Variants in ARHGAP29 observed in about 807,000 individuals in gnomAD.
ARHGAP29 encodes the protein Rho GTPase activating protein 29.
In ARHGAP29, 43 loss-of-function variants were observed where a neutral mutation model predicts 122.6. The observed-to-expected ratio is 0.35, with a 90% CI of 0.27 to 0.45. The LOEUF is 0.45. ARHGAP29 is among the 20% of genes least tolerant of loss of function. The probability of loss-of-function intolerance (pLI) is 1.00; values close to 1 mark genes in which losing one functional copy is unlikely to be tolerated. For synonymous variants in ARHGAP29, 506 were observed against 497.1 expected, an observed-to-expected ratio of 1.02 and a Z score of -0.24; for missense variants, 1,303 against 1,477.2, an observed-to-expected ratio of 0.88 and a Z score of 1.93.
the ARHGAP29 span, among the ~76,000 whole-genome samples, chr1:94,299,227 T>C: frequency 6.6e-6 from 1 of 152,182 alleles, no homozygotes; most frequent in Non-Finnish European, 1.5e-5. Context: ...TAAAATGACT[T>C]TCTATTTATG....
rs1651387107 is a variant in ARHGAP29 at position 94,208,842 on chromosome 1, C to T, written c.500G>A (p.Arg167Gln). The T allele has an allele frequency of 4.3e-6, 7 of 1,613,738 alleles. No homozygotes were observed. Among genetic ancestry groups the T allele is most frequent in the Middle Eastern group, 3.3e-4 (2 of 6,062 alleles). ...ACAAACTTAGCTTACCTTAGTTTCT[C>T]GAGAAACAGGCAGTCGCAATAATGA... ...NDSLLRLPVS[R>Q]ETKSFENVSV... Residue 167 changes from arginine to glutamine, a missense_variant, in exon 5 of 23, where the codon CGA becomes CAA. Arg to Gln is a conservative substitution (Grantham distance 43). Around this residue, in one of 3 missense-constraint regions of ARHGAP29, gnomAD observed 592 missense variants for 648.2 expected, o/e 0.91. Transcript: ENST00000260526.
At chr1:94,220,915 T>C (rs1470683433) in intron 2 of ARHGAP29, among the ~76,000 whole-genome samples, 1 of 152,158 alleles carries the variant, frequency 6.6e-6, no homozygotes, top group East Asian at 1.9e-4. Flanking sequence ...ATTACACATA[T>C]TCTAGATTTT....
At chr1:94,262,212 G>A (rs1208622800) in intron 1 of ARHGAP29, among the ~76,000 whole-genome samples, 6 of 152,128 alleles carry the variant, frequency 3.9e-5, no homozygotes, top group Non-Finnish European at 1.5e-5. Context: ...ATATGCAGAA[G>A]ATTGAAACTG....
chr1:94,306,679 T>G, the ARHGAP29 span, among the ~76,000 whole-genome samples: 135 of 152,288 alleles, frequency 8.9e-4, no homozygotes, highest in African/African-American at 3.2e-3. Flanking sequence ...TTTCCCACAC[T>G]CTAACAAATC....
chr1:94,278,619 G>A (rs1177465230), upstream of ARHGAP29, among the ~76,000 whole-genome samples: 1 of 152,210 alleles, frequency 6.6e-6, no homozygotes, highest in Non-Finnish European at 1.5e-5. Flanking sequence ...ATCTAGGGAA[G>A]AAATGTCTTG....
intron 22 of ARHGAP29, chr1:94,176,669 A>G (rs189335340): frequency 3.3e-5 from 5 of 151,954 alleles, no homozygotes; most frequent in South Asian, 2.1e-4. Context: ...GTGCAATGGC[A>G]CGTTCTCGCC....
intron 1 of ARHGAP29, among the ~76,000 whole-genome samples, chr1:94,271,894 T>C (rs1175470425): frequency 2.0e-5 from 3 of 152,184 alleles, no homozygotes; most frequent in Non-Finnish European, 4.4e-5. Flanking sequence ...ACCTGCACAC[T>C]TTGGAACCTT....
intron 3 of ARHGAP29, among the ~76,000 whole-genome samples, chr1:94,210,186 TA>T (rs1470887231): frequency 6.6e-6 from 1 of 152,136 alleles, no homozygotes; most frequent in African/African-American, 2.4e-5. Flanking sequence ...GTATAAAGAG[TA>T]ACTGGTTCCC....
chr1:94,212,560 T>C (rs759581115), intron 3 of ARHGAP29, among the ~76,000 whole-genome samples: 11 of 152,324 alleles, frequency 7.2e-5, no homozygotes, highest in East Asian at 1.9e-4. Context: ...CTATCCAAAA[T>C]TGTATAATTA....
chr1:94,246,337 C>T (rs1319872822), intron 1 of ARHGAP29, among the ~76,000 whole-genome samples: 1 of 152,200 alleles, frequency 6.6e-6, no homozygotes, highest in East Asian at 1.9e-4. Context: ...TCTGAATATT[C>T]ACTTTCATAT....
intron 1 of ARHGAP29, among the ~76,000 whole-genome samples, chr1:94,255,592 T>C (rs1421521328): frequency 6.6e-6 from 1 of 152,238 alleles, no homozygotes. Flanking sequence ...GTGCGGCATT[T>C]CTTCCTAATA....
intron 12 of ARHGAP29, chr1:94,191,470 G>A (rs1314588031): frequency 2.0e-5 from 3 of 152,070 alleles, no homozygotes; most frequent in Non-Finnish European, 2.9e-5. Context: ...TATTTGAAAA[G>A]TACAGATAAC....
chr1:94,284,042 T>G, the ARHGAP29 span, among the ~76,000 whole-genome samples: 172 of 151,396 alleles, frequency 1.1e-3, 1 homozygote, highest in South Asian at 0.012. Flanking sequence ...CTATTTCTTC[T>G]TAGGTTATGT....
intron 15 of ARHGAP29, among the ~76,000 whole-genome samples, chr1:94,188,397 A>G (rs550696719): frequency 6.6e-6 from 1 of 152,294 alleles, no homozygotes; most frequent in East Asian, 1.9e-4. Context: ...CACAGAATAT[A>G]CAGCAGTGAA....
chr1:94,184,459 T>C (rs1649668041), intron 18 of ARHGAP29, among the ~76,000 whole-genome samples, 171 bp from the exon 19 acceptor site: 1 of 152,168 alleles, frequency 6.6e-6, no homozygotes, highest in South Asian at 2.1e-4. Context: ...TATAGAAATC[T>C]GAAAAAATTT....
chr1:94,216,246 G>A (rs1651949817), intron 3 of ARHGAP29, among the ~76,000 whole-genome samples: 1 of 152,190 alleles, frequency 6.6e-6, no homozygotes, highest in African/African-American at 2.4e-5. Flanking sequence ...ACATCTATTA[G>A]TAGTTAACTG....
rs1382853541 is a variant in ARHGAP29, at chr1:94,189,298, G to A, written c.1494C>T (p.Asn498=). The A allele has an allele frequency of 1.9e-6, 3 of 1,612,850 alleles. No individual in the cohort carries two copies. Among genetic ancestry groups the A allele is most frequent in the Admixed American group, 3.3e-5 (2 of 59,866 alleles). ...SSQPSGFGPA[N]SLEDVVRLPD... Reference sequence around the variant, plus strand: ...GAAGGCGTACAACATCCTCTAAAGAGTTGGCAGGTCCAAATCCTGAAGGTT... The same window carrying A: ...GAAGGCGTACAACATCCTCTAAAGAATTGGCAGGTCCAAATCCTGAAGGTT... Residue 498 remains asparagine (N), a synonymous_variant, in exon 14 of 23, where the codon AAC becomes AAT. Transcript: ENST00000260526.
chr1:94,296,316 G>A, the ARHGAP29 span, among the ~76,000 whole-genome samples: 4 of 152,136 alleles, frequency 2.6e-5, no homozygotes, highest in Non-Finnish European at 5.9e-5. Flanking sequence ...GTATGGCAGT[G>A]CTTGTGTTCA....
chr1:94,203,785 T>A (rs1570533020), intron 8 of ARHGAP29, 145 bp downstream of exon 8: 11 of 680,750 alleles, frequency 1.6e-5, no homozygotes, highest in Non-Finnish European at 2.4e-5. Flanking sequence ...TGGACATCCA[T>A]CTAAACTTAA....
Sources: allele counts gnomAD v4.1 joint callset (sites outside exome capture counted in the v4.1 genomes callset), GRCh38; gene constraint gnomAD v4.1.1; regional missense constraint gnomAD v4.1.1; transcripts MANE v1.5; gene names NCBI Gene and HGNC (gene_info 2026-07-23, HGNC 2026-07-21).